The following ABCA8 variants were observed in gnomAD, a reference collection of about 807,000 sequenced individuals.
ABCA8 encodes the protein ABC-type organic anion transporter ABCA8.
ABCA8 carries 177 observed loss-of-function variants against 192.3 expected under a neutral mutation model. The observed-to-expected ratio is 0.92, with a 90% confidence interval of 0.81 to 1.04. The LOEUF (loss-of-function observed/expected upper bound fraction) is 1.04, where lower values mean the gene tolerates loss of function less well. ABCA8 is among the 50% of genes least tolerant of loss of function. ABCA8 has a pLI of 0.00. For synonymous variants in ABCA8, 642 were observed against 690.2 expected, an observed-to-expected ratio of 0.93 and a Z score of 1.09; for missense variants, 1,915 against 1,904.8, an observed-to-expected ratio of 1.01 and a Z score of -0.10.
intron 17 of ABCA8, among the ~76,000 whole-genome samples, chr17:68,913,612 G>T (rs1173579648): frequency 1.3e-5 from 2 of 152,156 alleles, no homozygotes; most frequent in East Asian, 3.9e-4. Flanking sequence ...GCAACTGTAT[G>T]TCAATAAATT....
rs756886165 is a variant in ABCA8, at chr17:68,887,148, G to A, written c.3316-18C>T. On this transcript the variant is annotated intron_variant, in intron 25 of 39. Transcript: ENST00000586539. ...CATGGGATCTAAAATCAACAGGAAT[G>A]TGAAGCTTAGTTAAATACAAATGCA... 3 of 1,534,238 alleles carry A rather than the reference G, an allele frequency of 2.0e-6. No individual in the cohort carries two copies. The highest frequency in any genetic ancestry group is 1.8e-5 in the Admixed American group (1 of 54,234).
intron 21 of ABCA8, among the ~76,000 whole-genome samples, chr17:68,901,420 C>CAAGAT (rs1346991557): frequency 1.9e-4 from 29 of 152,242 alleles, no homozygotes; most frequent in African/African-American, 6.0e-4. Context: ...ATCAAAATCA[C>CAAGAT]AAGATACTAC....
At chr17:68,873,603 C>A (rs1170076527) in intron 37 of ABCA8, among the ~76,000 whole-genome samples, 1 of 152,146 alleles carries the variant, frequency 6.6e-6, no homozygotes, top group Admixed American at 6.5e-5. Flanking sequence ...CTTTTGTTGT[C>A]ATATCCATGA....
chr17:68,882,629 T>A lies in ABCA8; in HGVS notation c.3798A>T (p.Ala1266=). The change falls in exon 30 of 40, where the codon GCA becomes GCT. Residue 1266 remains alanine (A), a synonymous_variant. Transcript: ENST00000586539. ...CAAAATTAGTAGAATTCAAGGCATT[T>A]GCTGTTCTCACTCTTTCCATCTGAA... ...EDVQMERVRT[A]NALNSTNFDE... 1 of 1,612,920 alleles carries A rather than the reference T, an allele frequency of 6.2e-7. No homozygotes were observed. The highest frequency in any genetic ancestry group is 8.5e-7 in the Non-Finnish European group (1 of 1,179,558).
chr17:68,927,784 G>T, intron 10 of ABCA8, 132 bp downstream of exon 10: 2 of 669,398 alleles, frequency 3.0e-6, no homozygotes, highest in African/African-American at 1.9e-5. Flanking sequence ...CAGTAGCGAC[G>T]ACTTTGTTCC....
chr17:68,873,068 G>A (rs1191390792), intron 37 of ABCA8, among the ~76,000 whole-genome samples: 7 of 152,146 alleles, frequency 4.6e-5, no homozygotes, highest in East Asian at 3.8e-4. Context: ...CCAGGCCTTC[G>A]CATTCACTCA....
chr17:68,880,582 A>G (rs1216279526), intron 32 of ABCA8, among the ~76,000 whole-genome samples: 3 of 152,008 alleles, frequency 2.0e-5, no homozygotes, highest in Admixed American at 1.3e-4. Flanking sequence ...GGTTTCTGGC[A>G]CCTCCAAGCT....
At chr17:68,891,437 CT>C in intron 24 of ABCA8, 51 bp downstream of exon 24, 1 of 1,278,026 alleles carries the variant, frequency 7.8e-7, no homozygotes, top group Non-Finnish European at 1.1e-6. Flanking sequence ...GTAAAATTAC[CT>C]TCTGCTTTCA....
intron 2 of ABCA8, chr17:68,944,969 G>A (rs913301138): frequency 6.6e-6 from 1 of 152,434 alleles, no homozygotes; most frequent in Non-Finnish European, 1.5e-5. Context: ...TCAAGGGCCA[G>A]ATCTATAGTA....
chr17:68,868,409 A>C, intron 38 of ABCA8, 53 bp from the exon 39 acceptor site: 49 of 1,415,162 alleles, frequency 3.5e-5, no homozygotes, highest in Non-Finnish European at 4.5e-5. Flanking sequence ...TAGAGGTCTC[A>C]TAAATCAGCA....
intron 37 of ABCA8, among the ~76,000 whole-genome samples, chr17:68,871,893 T>C (rs1480694643): frequency 7.0e-6 from 1 of 143,010 alleles, no homozygotes; most frequent in Non-Finnish European, 1.5e-5. Flanking sequence ...ATGTTACTAG[T>C]TTATGTATAT....
intron 2 of ABCA8, chr17:68,944,866 G>A (rs1443503531): frequency 2.0e-5 from 3 of 152,196 alleles, no homozygotes; most frequent in African/African-American, 7.2e-5. Flanking sequence ...CGGCGGGGGA[G>A]AGGACGCTCT....
intron 2 of ABCA8, among the ~76,000 whole-genome samples, chr17:68,944,335 T>TATATATAC (rs2068326502): frequency 1.5e-5 from 1 of 65,584 alleles, no homozygotes; most frequent in Non-Finnish European, 2.8e-5. Context: ...TATATATATA[T>TATATATAC]ATATATATAT....
Position 68,905,985 on chromosome 17 carries a change from GA to G in ABCA8, c.2398+58del, listed in dbSNP as rs2067055036. 54 of 1,431,628 alleles carry G rather than the reference GA, an allele frequency of 3.8e-5. No homozygotes were observed. The East Asian group carries it at 1.3e-3, about 35-fold the overall frequency. 88.7% of individuals were successfully genotyped at this position (1,431,628 alleles called of 1,614,324 possible). On this transcript the variant is annotated intron_variant, in intron 19 of 39. Coordinates refer to ENST00000586539, the MANE Select transcript of ABCA8 (RefSeq NM_001288985.2). ...CCCACATTTTGTAATCACATCTTTG[GA>G]ACAGTGTGTTCTTGAAATATGTGCT...
intron 7 of ABCA8, 57 bp from the exon 8 acceptor site, chr17:68,929,759 C>T (rs1032321638): frequency 1.0e-4 from 153 of 1,466,870 alleles, no homozygotes; most frequent in Non-Finnish European, 1.4e-4. Flanking sequence ...AAAGGAAGAC[C>T]TGAAATGGAT....
intron 17 of ABCA8, among the ~76,000 whole-genome samples, chr17:68,912,127 G>A (rs2067240008): frequency 6.6e-6 from 1 of 151,884 alleles, no homozygotes; most frequent in Admixed American, 6.6e-5. Flanking sequence ...AAGGTACCAG[G>A]GACCAATACC....
intron 37 of ABCA8, among the ~76,000 whole-genome samples, chr17:68,874,851 T>C (rs2066157957): frequency 6.6e-6 from 1 of 152,220 alleles, no homozygotes; most frequent in African/African-American, 2.4e-5. Context: ...AATAATTAGG[T>C]TTACCTCTTG....
chr17:68,878,319 G>A (rs1339406727), intron 32 of ABCA8: 1 of 152,308 alleles, frequency 6.6e-6, no homozygotes, highest in Non-Finnish European at 1.5e-5. Context: ...TGGAAAAAAA[G>A]GCAAGAGCAA....
chr17:68,887,372 G>T lies in ABCA8; in HGVS notation c.3279C>A (p.Phe1093Leu). ...GAATTATTGTAAGTAGCATGTCTTC[G>T]AAGTTTGAAATGTAGCTCATTAAAT... is the stretch of plus-strand genomic sequence containing the variant. ...FIYLMSYISNFEDMLLTIIHI... is the reference protein window; with the variant it reads ...FIYLMSYISNLEDMLLTIIHI... The change falls in exon 25 of 40, where the codon TTC becomes TTA. Residue 1093 changes from phenylalanine to leucine, a missense_variant. Phe to Leu is a conservative substitution (Grantham distance 22). Transcript: ENST00000586539. The T allele has an allele frequency of 6.2e-7, 1 of 1,611,112 alleles. No individual in the cohort carries two copies. Among genetic ancestry groups the T allele is most frequent in the Admixed American group, 1.7e-5 (1 of 59,726 alleles).
Sources: allele counts gnomAD v4.1 joint callset (sites outside exome capture counted in the v4.1 genomes callset), GRCh38; gene constraint gnomAD v4.1.1; transcripts MANE v1.5; gene names NCBI Gene and HGNC (gene_info 2026-07-23, HGNC 2026-07-21).